The following RBFOX1 variants were observed in gnomAD, a reference collection of about 807,000 sequenced individuals.
RBFOX1 encodes RNA binding protein fox-1 homolog 1.
A neutral mutation model predicts 57.7 loss-of-function variants in RBFOX1; 8 were observed. The observed-to-expected ratio is 0.14, with a 90% CI of 0.08 to 0.25. The LOEUF is 0.25. Among genes scored for constraint, RBFOX1 ranks in the 10% least tolerant of loss-of-function variants. The pLI, the probability that RBFOX1 is intolerant of heterozygous loss-of-function variation, is 1.00. For missense variants in RBFOX1, 611 were observed against 548.5 expected, an observed-to-expected ratio of 1.11 and a Z score of -1.14; for synonymous variants, 326 against 222.4, an observed-to-expected ratio of 1.47 and a Z score of -4.15.
chr16:7,341,772 CTCCCTCCT>C (rs1568306367), intron 4 of RBFOX1, among the ~76,000 whole-genome samples: 5 of 82,380 alleles, frequency 6.1e-5, no homozygotes, highest in African/African-American at 2.4e-4. Flanking sequence ...CCTTCCCTCC[CTCCCTCCT>C]TCCTTCCTTC....
chr16:6,572,545 G>A (rs1207287168), intron 2 of RBFOX1, among the ~76,000 whole-genome samples: 2 of 151,852 alleles, frequency 1.3e-5, no homozygotes, highest in Non-Finnish European at 2.9e-5. Context: ...AGGCAAGATT[G>A]CTGAGTCTTC....
At chr16:6,876,692 A>G (rs941109285) in intron 3 of RBFOX1, among the ~76,000 whole-genome samples, 1 of 152,158 alleles carries the variant, frequency 6.6e-6, no homozygotes, top group Admixed American at 6.5e-5. Flanking sequence ...GCTGGAACCA[A>G]AGAAGTTGTT....
chr16:6,298,605 G>A (rs2078421576), intron 1 of RBFOX1, among the ~76,000 whole-genome samples: 1 of 152,138 alleles, frequency 6.6e-6, no homozygotes, highest in Non-Finnish European at 1.5e-5. Flanking sequence ...GGTTCAGTTA[G>A]CATTGTATAT....
chr16:6,357,727 T>A (rs887801210), intron 2 of RBFOX1, among the ~76,000 whole-genome samples: 2 of 151,988 alleles, frequency 1.3e-5, no homozygotes, highest in African/African-American at 4.8e-5. Flanking sequence ...GGCGGGTGGA[T>A]CACTTGAGGT....
chr16:7,254,396 T>G (rs921812636), intron 4 of RBFOX1, among the ~76,000 whole-genome samples: 1 of 152,168 alleles, frequency 6.6e-6, no homozygotes, highest in Non-Finnish European at 1.5e-5. Context: ...ATTTCTTAGA[T>G]TATCCAAGCT....
intron 2 of RBFOX1, among the ~76,000 whole-genome samples, chr16:6,324,187 G>T (rs1415748796): frequency 8.3e-6 from 1 of 120,254 alleles, no homozygotes. Context: ...CATGCTCTGT[G>T]TTCACAGGTA....
At chr16:5,837,833 C>G (rs987383696) in intron 3 of RBFOX1, among the ~76,000 whole-genome samples, 4 of 152,116 alleles carry the variant, frequency 2.6e-5, no homozygotes, top group Admixed American at 2.0e-4. Flanking sequence ...TTAGTATTGA[C>G]CATGCTTGGT....
intron 4 of RBFOX1, among the ~76,000 whole-genome samples, chr16:7,488,203 C>T (rs1462303642): frequency 1.3e-5 from 2 of 152,148 alleles, no homozygotes; most frequent in Non-Finnish European, 2.9e-5. Context: ...GTGCTCATCC[C>T]TGCAGGAGGG....
chr16:7,277,197 AT>A (rs917671618), intron 4 of RBFOX1, among the ~76,000 whole-genome samples: 2 of 151,928 alleles, frequency 1.3e-5, no homozygotes, highest in African/African-American at 2.4e-5. Context: ...TTATTTAATG[AT>A]TTTTTTTCAC....
intron 5 of RBFOX1, among the ~76,000 whole-genome samples, chr16:7,557,695 T>C (rs2089103515): frequency 6.6e-6 from 1 of 150,758 alleles, no homozygotes; most frequent in Non-Finnish European, 1.5e-5. Context: ...AAAGCACTTT[T>C]ATATTAGAAT....
At chr16:6,414,309 A>T (rs1233387292) in intron 2 of RBFOX1, among the ~76,000 whole-genome samples, 2 of 152,228 alleles carry the variant, frequency 1.3e-5, no homozygotes, top group Non-Finnish European at 2.9e-5. Context: ...ATATATGTAT[A>T]TGCAATTTCC....
At chr16:5,621,692 C>A (rs901326644) in intron 3 of RBFOX1, among the ~76,000 whole-genome samples, 3 of 152,128 alleles carry the variant, frequency 2.0e-5, no homozygotes, top group East Asian at 1.9e-4. Context: ...ATGGAAAATA[C>A]CAGGATGGTG....
chr16:6,759,670 C>T (rs1174857324), intron 3 of RBFOX1, among the ~76,000 whole-genome samples: 1 of 152,012 alleles, frequency 6.6e-6, no homozygotes, highest in African/African-American at 2.4e-5. Flanking sequence ...TTTCTCTTTG[C>T]CTTTTCTTAA....
intron 2 of RBFOX1, among the ~76,000 whole-genome samples, chr16:6,508,114 C>G (rs973402826): frequency 5.3e-5 from 8 of 152,086 alleles, no homozygotes; most frequent in African/African-American, 1.7e-4. Flanking sequence ...AATGCAGGAG[C>G]AGAAAACCAA....
chr16:6,016,774 C>T (rs913756437), upstream of RBFOX1, among the ~76,000 whole-genome samples: 1 of 152,186 alleles, frequency 6.6e-6, no homozygotes, highest in African/African-American at 2.4e-5. Flanking sequence ...TTCAGCACCT[C>T]TCATTTATCT....
intron 4 of RBFOX1, among the ~76,000 whole-genome samples, chr16:7,057,996 A>G (rs1248296360): frequency 1.1e-5 from 1 of 93,670 alleles, no homozygotes; most frequent in East Asian, 4.2e-4. Flanking sequence ...CGACAGAGGG[A>G]GACTGTGGGG....
intron 1 of RBFOX1, among the ~76,000 whole-genome samples, chr16:6,293,903 T>TG (rs200165518): frequency 0.83 from 117,881 of 142,876 alleles, 46,844 homozygotes; most frequent in East Asian, 0.98. Context: ...AGCGGGGGGG[T>TG]GGTGGAAATA....
intron 1 of RBFOX1, among the ~76,000 whole-genome samples, chr16:5,453,442 G>C (rs543960471): frequency 6.6e-6 from 1 of 152,186 alleles, no homozygotes; most frequent in East Asian, 1.9e-4. Context: ...TACTGTAGAA[G>C]GATAGAGGAT....
rs1474816325 is a variant in RBFOX1, at chr16:6,713,675, C to T, written c.-16+59025C>T. On this transcript the variant is annotated intron_variant, in intron 3 of 15. Transcript: ENST00000550418. ...TTGAAGTTACAGTTGCCCAAACATCCCCTGTCCTCCCTTGTTTTTAGACAT... is the reference window on the plus strand; with the variant it reads ...TTGAAGTTACAGTTGCCCAAACATCTCCTGTCCTCCCTTGTTTTTAGACAT... 3.9e-5 allele frequency among the ~76,000 whole-genome samples: 6 copies of T among 152,164 alleles called. No homozygotes were observed. In the East Asian group the frequency reaches 1.2e-3, roughly 29 times the overall value.
Sources: allele counts gnomAD v4.1 joint callset (sites outside exome capture counted in the v4.1 genomes callset), GRCh38; gene constraint gnomAD v4.1.1; transcripts MANE v1.5; gene names NCBI Gene and HGNC (gene_info 2026-07-23, HGNC 2026-07-21).